The following USP48 variants were observed in gnomAD, a reference collection of about 807,000 sequenced individuals.
USP48 encodes the protein ubiquitin specific peptidase 48, also known as ubiquitin carboxyl-terminal hydrolase 48.
A neutral mutation model predicts 150.7 loss-of-function variants in USP48; 43 were observed. That is an observed-to-expected ratio of 0.29 (90% CI 0.22 to 0.37). The LOEUF (loss-of-function observed/expected upper bound fraction) is 0.37, where lower values mean the gene tolerates loss of function less well. Among genes scored for constraint, USP48 ranks in the 10% least tolerant of loss-of-function variants. USP48 has a pLI of 1.00. For synonymous variants in USP48, 396 were observed against 425.9 expected (o/e 0.93, Z 0.86); for missense variants, 813 against 1,249.6 (o/e 0.65, Z 5.27).
chr1:21,681,957 A>G (rs2097567153), intron 25 of USP48, among the ~76,000 whole-genome samples: 2 of 152,094 alleles, frequency 1.3e-5, no homozygotes, highest in Admixed American at 1.3e-4. Context: ...CACCACTCCA[A>G]TATGGATCAG....
intron 8 of USP48, among the ~76,000 whole-genome samples, chr1:21,738,725 A>G (rs16825914): frequency 0.019 from 2,923 of 151,990 alleles, 89 homozygotes; most frequent in African/African-American, 0.067. Context: ...TTTCATTGCT[A>G]TAATTTCCTT....
chr1:21,762,883 A>AG (rs2097853380), intron 1 of USP48, among the ~76,000 whole-genome samples: 1 of 151,862 alleles, frequency 6.6e-6, no homozygotes, highest in Non-Finnish European at 1.5e-5. Context: ...AAAAAAAAAA[A>AG]AAAAATTCAC....
chr1:21,729,656 T>C (rs540767311), intron 10 of USP48, 48 bp downstream of exon 10: 1 of 1,595,372 alleles, frequency 6.3e-7, no homozygotes, highest in Admixed American at 1.7e-5. Context: ...TCTTTGAGTA[T>C]GGCATTCTAA....
At chr1:21,768,284 A>G in intron 1 of USP48, 1 of 169,064 alleles carries the variant, frequency 5.9e-6, no homozygotes, top group Admixed American at 5.9e-5. Context: ...AAAATTCTCC[A>G]GCCCTACAGA....
intron 15 of USP48, among the ~76,000 whole-genome samples, chr1:21,708,902 AGAAAG>A (rs754994939): frequency 0.015 from 1,709 of 112,330 alleles, 44 homozygotes; most frequent in Non-Finnish European, 0.02. Context: ...AAAAAAAAAA[AGAAAG>A]AAAAGAAAAG....
At chr1:21,687,158 A>G in intron 25 of USP48, 33 bp downstream of exon 25, 1 of 1,605,210 alleles carries the variant, frequency 6.2e-7, no homozygotes, top group Middle Eastern at 1.7e-4. Context: ...CTAAAACCTA[A>G]TCAGCAGATT....
chr1:21,783,023 G>A lies in USP48; in HGVS notation c.-66C>T, dbSNP rs943894964. ...AGCCGCCGCCGCGGTCTGCACCGCC[G>A]CCCCAATGGGCTTCGCCACCTGCCA... On this transcript the variant is annotated 5_prime_UTR_variant, in exon 1 of 27. Coordinates refer to ENST00000308271, the MANE Select transcript of USP48 (RefSeq NM_032236.8). 5 of 1,428,048 alleles carry A rather than the reference G, an allele frequency of 3.5e-6. No homozygotes were observed. The highest frequency in any genetic ancestry group is 1.5e-5 in the African/African-American group (1 of 66,364). The allele number at this position is 1,428,048 out of a possible 1,614,324, so 88.5% of individuals were successfully genotyped here. A position where few individuals can be genotyped will look rare whatever the true frequency, so the allele number is the denominator to read the frequency against.
At chr1:21,702,703 AT>A (rs2152516438) in intron 21 of USP48, among the ~76,000 whole-genome samples, 1 of 152,270 alleles carries the variant, frequency 6.6e-6, no homozygotes, top group African/African-American at 2.4e-5. Context: ...CGTTCATTCC[AT>A]ATCATGATCC....
chr1:21,734,118 G>C (rs1051011136), intron 9 of USP48, among the ~76,000 whole-genome samples: 3 of 152,216 alleles, frequency 2.0e-5, no homozygotes, highest in Admixed American at 6.5e-5. Context: ...TAGAAAACAG[G>C]TTGGGCACGG....
At position 21,752,613 on chromosome 1, in the gene USP48, C is replaced by T. The variant is rs1384399092; in HGVS notation, c.579G>A (p.Leu193=). 6.2e-7 allele frequency: 1 copy of T among 1,610,936 alleles called. No homozygotes were observed. The highest frequency in any genetic ancestry group is 1.1e-5 in the South Asian group (1 of 90,310). The change falls in exon 5 of 27, where the codon TTG becomes TTA. Residue 193 remains leucine, a synonymous_variant. Transcript: ENST00000308271. The part of the protein sequence containing the change: ...QEFSKLFMSL[L]EDTLSKQKNP... ...TCTTTTGTTTAGACAAAGTATCTTC[C>T]AATAGAGACATAAAGAGCTTTGAAA...
intron 1 of USP48, among the ~76,000 whole-genome samples, chr1:21,764,161 G>C (rs2097856370): frequency 6.6e-6 from 1 of 152,154 alleles, no homozygotes; most frequent in African/African-American, 2.4e-5. Context: ...ACAGTGTCTG[G>C]GAGCAGTGGT....
intron 4 of USP48, 33 bp from the exon 5 acceptor site, chr1:21,752,684 T>C (rs564364781): frequency 2.2e-5 from 35 of 1,565,506 alleles, no homozygotes; most frequent in Admixed American, 8.6e-5. Flanking sequence ...AGAAAAATCA[T>C]ATCTTGCTTT....
chr1:21,718,436 T>C (rs692790), intron 14 of USP48, among the ~76,000 whole-genome samples: 120,236 of 152,160 alleles, frequency 0.79, 48,448 homozygotes, highest in Admixed American at 0.87. Flanking sequence ...GGAAGGAGAA[T>C]AGAGACATAT....
chr1:21,762,172 T>C (rs1214620481), intron 1 of USP48, among the ~76,000 whole-genome samples: 1 of 151,814 alleles, frequency 6.6e-6, no homozygotes, highest in Admixed American at 6.6e-5. Context: ...GAGGCTGAAG[T>C]GAGAGAACCG....
At chr1:21,730,658 G>C (rs902589156) in intron 9 of USP48, among the ~76,000 whole-genome samples, 1 of 151,850 alleles carries the variant, frequency 6.6e-6, no homozygotes, top group Non-Finnish European at 1.5e-5. Context: ...ACTCCTGTCT[G>C]GGGGACAGAG....
At chr1:21,742,040 G>A (rs894642859) in intron 8 of USP48, among the ~76,000 whole-genome samples, 1 of 152,258 alleles carries the variant, frequency 6.6e-6, no homozygotes, top group East Asian at 1.9e-4. Flanking sequence ...ATGTTATCTA[G>A]AGAGTTAAGA....
intron 14 of USP48, among the ~76,000 whole-genome samples, chr1:21,719,519 G>C (rs2097713965): frequency 6.6e-6 from 1 of 152,206 alleles, no homozygotes; most frequent in Non-Finnish European, 1.5e-5. Context: ...GGAAGCCAAG[G>C]TGGGAGGATC....
At chr1:21,707,940 G>A (rs1240544826) in intron 15 of USP48, among the ~76,000 whole-genome samples, 1 of 152,106 alleles carries the variant, frequency 6.6e-6, no homozygotes, top group African/African-American at 2.4e-5. Context: ...TGAAGCAGGT[G>A]GATCACTTGT....
chr1:21,721,723 T>A lies in USP48; in HGVS notation c.1690A>T (p.Ile564Leu). The A allele has an allele frequency of 6.2e-7, 1 of 1,609,640 alleles. No homozygotes were observed. Among genetic ancestry groups the A allele is most frequent in the Middle Eastern group, 1.7e-4 (1 of 6,038 alleles). ...CKECVVERCR[I>L]LRLKNQLNED... ...TTTAGTTGGTTCTTCAGACGCAATA[T>A]GCGACAACGTTCTACTACACATTCC... Residue 564 changes from isoleucine to leucine, a missense_variant, in exon 13 of 27, where the codon ATA (isoleucine) becomes TTA (leucine). Coordinates refer to ENST00000308271, the MANE Select transcript of USP48 (RefSeq NM_032236.8).
Sources: allele counts gnomAD v4.1 joint callset (sites outside exome capture counted in the v4.1 genomes callset), GRCh38; gene constraint gnomAD v4.1.1; transcripts MANE v1.5; gene names NCBI Gene and HGNC (gene_info 2026-07-23, HGNC 2026-07-21).